ZNF236: variants seen among roughly 807,000 people sequenced by gnomAD.
ZNF236 encodes regulated by glucose.
Under a neutral mutation model 191.2 loss-of-function variants are expected in ZNF236, and 50 were observed. The ratio of observed to expected loss-of-function variants is 0.26; its 90% CI spans 0.21 to 0.33. The LOEUF is 0.33. Among genes scored for constraint, ZNF236 ranks in the 10% least tolerant of loss-of-function variants. The pLI is 1.00. For missense variants in ZNF236, 1,754 were observed against 2,374.5 expected (o/e 0.74, Z 5.43); for synonymous variants, 907 against 928.8 (o/e 0.98, Z 0.43).
rs753817839 is a variant in ZNF236 at position 76,925,295 on chromosome 18, G to A, written c.3768G>A (p.Pro1256=). 25 of 1,614,038 alleles carry A rather than the reference G, an allele frequency of 1.5e-5. No individual in the cohort carries two copies. The highest frequency in any genetic ancestry group is 2.2e-5 in the South Asian group (2 of 91,086). Residue 1256 remains proline, a synonymous_variant, in exon 22 of 31, where the codon CCG becomes CCA. Transcript: ENST00000320610. This position sits in a 1 kb window ranked among gnomAD's most constrained non-coding sequence, Gnocchi z 5.7. The part of the protein sequence containing the change: ...LHTGAKPFKC[P]HCELRFRTSG... ...CGGGAGCCAAGCCCTTCAAATGCCC[G>A]CATTGCGAGCTGCGTTTCCGTACCT...
chr18:76,931,607 T>C (rs531034617), intron 25 of ZNF236, among the ~76,000 whole-genome samples: 2 of 152,304 alleles, frequency 1.3e-5, no homozygotes, highest in African/African-American at 4.8e-5. Flanking sequence ...CAGTGAGAAT[T>C]TTCTGACACC....
chr18:76,839,677 G>T (rs536130569), intron 1 of ZNF236, among the ~76,000 whole-genome samples: 10 of 152,120 alleles, frequency 6.6e-5, no homozygotes, highest in African/African-American at 2.2e-4. Flanking sequence ...TCTGTATTTT[G>T]ATATACAGAT....
At chr18:76,882,422 G>C (rs1976925872) in intron 9 of ZNF236, among the ~76,000 whole-genome samples, 1 of 152,074 alleles carries the variant, frequency 6.6e-6, no homozygotes, top group Non-Finnish European at 1.5e-5. Flanking sequence ...GCTCTTTCTG[G>C]CCAGGAATAC....
At chr18:76,915,207 T>C (rs1294503546) in intron 18 of ZNF236, among the ~76,000 whole-genome samples, 1 of 152,190 alleles carries the variant, frequency 6.6e-6, no homozygotes, top group Non-Finnish European at 1.5e-5. Context: ...TATAGAAGAT[T>C]TATAGACTAG....
chr18:76,903,726 G>A (rs558152006), intron 11 of ZNF236, among the ~76,000 whole-genome samples: 1 of 152,024 alleles, frequency 6.6e-6, no homozygotes, highest in Non-Finnish European at 1.5e-5. Flanking sequence ...AAATAATGCA[G>A]TAGCTTGATC....
At chr18:76,832,748 A>G (rs528934701) in intron 1 of ZNF236, among the ~76,000 whole-genome samples, 45 of 152,300 alleles carry the variant, frequency 3.0e-4, no homozygotes, top group Non-Finnish European at 5.0e-4. Flanking sequence ...GAATCAGCAT[A>G]TAAGTTTTCC....
intron 20 of ZNF236, among the ~76,000 whole-genome samples, chr18:76,922,235 C>T (rs1444345261): frequency 6.6e-6 from 1 of 152,190 alleles, no homozygotes; most frequent in African/African-American, 2.4e-5. Context: ...TGTGGTGACT[C>T]TTCCGTGAGC....
chr18:76,841,527 G>T (rs1041607535), intron 1 of ZNF236, among the ~76,000 whole-genome samples: 2 of 152,168 alleles, frequency 1.3e-5, no homozygotes, highest in East Asian at 1.9e-4. Flanking sequence ...GAATATAATT[G>T]TTTCATTGGA....
chr18:76,928,046 G>A lies in ZNF236; in HGVS notation c.4534G>A (p.Ala1512Thr), dbSNP rs76679748. The A allele has an allele frequency of 4.9e-4, 790 of 1,613,498 alleles. 2 individuals carry two copies. The African/African-American group carries it at 8.9e-3, about 18-fold the overall frequency. The change falls in exon 25 of 31, where the codon GCT becomes ACT. Residue 1512 changes from alanine (A) to threonine (T), a missense_variant. Transcript: ENST00000320610. ...CCTGAGCCAGGTCCTGGCACAGGCCGCTGGGCCCACTGCCACGTCTTCCTC... is the reference window on the plus strand; with the variant it reads ...CCTGAGCCAGGTCCTGGCACAGGCCACTGGGCCCACTGCCACGTCTTCCTC... ...SSLSQVLAQA[A>T]GPTATSSSGS...
At chr18:76,895,723 T>C (rs1175737341) in intron 10 of ZNF236, among the ~76,000 whole-genome samples, 2 of 151,422 alleles carry the variant, frequency 1.3e-5, no homozygotes, top group African/African-American at 2.4e-5. Flanking sequence ...CTCACGGGTA[T>C]GGCCCACAGT....
chr18:76,929,751 C>G (rs1967798525), intron 25 of ZNF236, among the ~76,000 whole-genome samples: 2 of 152,182 alleles, frequency 1.3e-5, no homozygotes, highest in African/African-American at 4.8e-5. Context: ...ATTGGCTATA[C>G]AGTTCCTTAT....
At chr18:76,951,184 C>A (rs1599421757) in intron 27 of ZNF236, among the ~76,000 whole-genome samples, 1 of 152,216 alleles carries the variant, frequency 6.6e-6, no homozygotes, top group African/African-American at 2.4e-5. Flanking sequence ...TTGGCTTCAA[C>A]TTAAAGTCAC....
intron 20 of ZNF236, among the ~76,000 whole-genome samples, chr18:76,921,691 A>G (rs960743217): frequency 6.0e-5 from 9 of 150,980 alleles, no homozygotes; most frequent in African/African-American, 2.2e-4. Context: ...AAAGTGCTAA[A>G]CATGTCTCCA....
rs1967644689 is a variant in ZNF236, at chr18:76,925,348, T to C, written c.3821T>C (p.Phe1274Ser). ...GGTAGAAGAAAGACACACATGCAGT[T>C]TCATTATAAACCAGACCCAAAGAAG... ...TSGRRKTHMQ[F>S]HYKPDPKKAR... Residue 1274 changes from phenylalanine to serine, a missense_variant, in exon 22 of 31, where the codon TTT becomes TCT. Phe to Ser is a radical substitution (Grantham distance 155). Transcript: ENST00000320610. This position sits in a 1 kb window ranked among gnomAD's most constrained non-coding sequence, Gnocchi z 5.7. 1.2e-6 allele frequency: 2 copies of C among 1,614,170 alleles called. No individual in the cohort carries two copies. Among genetic ancestry groups the C allele is most frequent in the Non-Finnish European group, 1.7e-6 (2 of 1,180,036 alleles).
At chr18:76,906,140 G>A (rs753537488) in intron 13 of ZNF236, among the ~76,000 whole-genome samples, 6 of 152,182 alleles carry the variant, frequency 3.9e-5, no homozygotes, top group Non-Finnish European at 5.9e-5. Context: ...CCTGGATGTC[G>A]TCTACAAAGC....
At chr18:76,923,032 C>A in intron 20 of ZNF236, 39 bp from the exon 21 acceptor site, 1 of 1,407,412 alleles carries the variant, frequency 7.1e-7, no homozygotes, top group South Asian at 1.2e-5. Context: ...ATCATGAAGT[C>A]GTTTGTCAAT....
At chr18:76,849,757 T>A (rs891934000) in intron 2 of ZNF236, 89 bp downstream of exon 2, 5 of 1,263,470 alleles carry the variant, frequency 4.0e-6, no homozygotes, top group Non-Finnish European at 5.2e-6. Flanking sequence ...AACTTTTAAT[T>A]TAGGTTCCTA....
chr18:76,949,811 A>C (rs566817789), intron 27 of ZNF236, among the ~76,000 whole-genome samples: 2 of 152,064 alleles, frequency 1.3e-5, no homozygotes, highest in African/African-American at 4.8e-5. Flanking sequence ...GGTGTGCACC[A>C]CCACACCTGG....
intron 1 of ZNF236, among the ~76,000 whole-genome samples, chr18:76,840,456 T>G (rs1199264194): frequency 6.6e-6 from 1 of 151,712 alleles, no homozygotes; most frequent in Non-Finnish European, 1.5e-5. Flanking sequence ...ATTGTGCCAT[T>G]GCACTCCAGC....
Sources: gnomAD v4.1 joint callset for allele counts (sites outside exome capture counted in the v4.1 genomes callset) on GRCh38, gnomAD v4.1.1 for gene constraint, Gnocchi (gnomAD v3.1) non-coding constraint, MANE v1.5 for transcripts, NCBI Gene and HGNC (gene_info 2026-07-23, HGNC 2026-07-21) for gene names.